LSAMP: variants seen among roughly 807,000 people sequenced by gnomAD.
LSAMP encodes limbic system-associated membrane protein.
Under a neutral mutation model 38.6 loss-of-function variants are expected in LSAMP, and 7 were observed. The observed-to-expected ratio is 0.18, with a 90% CI of 0.10 to 0.34. The LOEUF (loss-of-function observed/expected upper bound fraction) is 0.34, where lower values mean the gene tolerates loss of function less well. Ranked by LOEUF, LSAMP falls within the 10% of genes least tolerant of loss-of-function variation. LSAMP has a pLI of 1.00. For missense variants in LSAMP, 313 were observed against 420.0 expected (o/e 0.75, Z 2.23); for synonymous variants, 154 against 166.8 (o/e 0.92, Z 0.59).
chr3:116,208,002 A>G (rs1326113941), intron 1 of LSAMP, among the ~76,000 whole-genome samples: 3 of 148,768 alleles, frequency 2.0e-5, no homozygotes, highest in South Asian at 2.2e-4. Flanking sequence ...GTGTTTTCCA[A>G]CTTGGTTCCA....
At chr3:115,901,178 G>T (rs1261418913) in intron 3 of LSAMP, among the ~76,000 whole-genome samples, 1 of 151,944 alleles carries the variant, frequency 6.6e-6, no homozygotes, top group Non-Finnish European at 1.5e-5. Flanking sequence ...AATCATTTGG[G>T]GTCTGAGAGT....
chr3:116,241,270 T>C (rs1036739380), intron 1 of LSAMP, among the ~76,000 whole-genome samples: 1 of 151,394 alleles, frequency 6.6e-6, no homozygotes, highest in African/African-American at 2.4e-5. Context: ...TCTGTTAATA[T>C]ATTCTTTATG....
chr3:115,944,624 C>A (rs1416050872), intron 3 of LSAMP, among the ~76,000 whole-genome samples: 1 of 152,100 alleles, frequency 6.6e-6, no homozygotes, highest in African/African-American at 2.4e-5. Flanking sequence ...TTTACTGTGG[C>A]AAATATTTTA....
intron 3 of LSAMP, among the ~76,000 whole-genome samples, chr3:115,900,760 T>C (rs1936854905): frequency 6.6e-6 from 1 of 152,102 alleles, no homozygotes; most frequent in African/African-American, 2.4e-5. Context: ...GAAAGAACAA[T>C]GGTTAAATGG....
At chr3:115,898,379 GC>G (rs1936782103) in intron 3 of LSAMP, among the ~76,000 whole-genome samples, 2 of 152,024 alleles carry the variant, frequency 1.3e-5, no homozygotes, top group Admixed American at 1.3e-4. Flanking sequence ...GTTCATCAGG[GC>G]AAGCCATAAG....
chr3:116,111,806 A>T (rs887370302), intron 1 of LSAMP, among the ~76,000 whole-genome samples: 6 of 152,158 alleles, frequency 3.9e-5, no homozygotes, highest in Admixed American at 3.9e-4. Context: ...AATGAAAGAG[A>T]TATATTAGCT....
intron 3 of LSAMP, among the ~76,000 whole-genome samples, chr3:115,933,575 C>T (rs1290880447): frequency 6.6e-6 from 1 of 152,096 alleles, no homozygotes; most frequent in Non-Finnish European, 1.5e-5. Context: ...AATAACATGG[C>T]CAGCAGGCAG....
At chr3:116,264,348 C>T (rs2046867937) in intron 1 of LSAMP, among the ~76,000 whole-genome samples, 2 of 152,128 alleles carry the variant, frequency 1.3e-5, no homozygotes, top group African/African-American at 4.8e-5. Flanking sequence ...GCTTGACTGC[C>T]AAACTTAGGC....
At position 116,211,560 on chromosome 3, in the gene LSAMP, G is replaced by A. The variant is rs1274012512; in HGVS notation, c.156-125004C>T. 3.9e-5 allele frequency among the ~76,000 whole-genome samples: 6 copies of A among 152,112 alleles called. No individual in the cohort carries two copies. In the East Asian group the frequency reaches 1.2e-3, roughly 29 times the overall value. On this transcript the variant is annotated intron_variant, in intron 1 of 6. Coordinates refer to ENST00000490035, the MANE Select transcript of LSAMP (RefSeq NM_002338.5). ...TGTACTCTGTAAATACAGAAATATG[G>A]GAAAGGCAAGGGATTTTAGGGGGTC...
At chr3:116,119,510 T>C (rs78508909) in intron 1 of LSAMP, among the ~76,000 whole-genome samples, 3,257 of 151,976 alleles carry the variant, frequency 0.021, 117 homozygotes, top group African/African-American at 0.075. Context: ...ATAAAACAAA[T>C]ACTGGGGTTA....
At chr3:116,213,973 C>T (rs1363143663) in intron 1 of LSAMP, among the ~76,000 whole-genome samples, 1 of 152,182 alleles carries the variant, frequency 6.6e-6, no homozygotes, top group Non-Finnish European at 1.5e-5. Flanking sequence ...CAGCTCTAGA[C>T]ATCTGCTGTA....
intron 1 of LSAMP, among the ~76,000 whole-genome samples, chr3:116,430,009 G>A (rs1250521082): frequency 2.6e-5 from 4 of 152,058 alleles, no homozygotes; most frequent in Non-Finnish European, 5.9e-5. Context: ...ATATCAACAC[G>A]TGTGGCAAAG....
chr3:116,262,336 G>T (rs2046835881), intron 1 of LSAMP, among the ~76,000 whole-genome samples: 1 of 152,110 alleles, frequency 6.6e-6, no homozygotes, highest in Non-Finnish European at 1.5e-5. Flanking sequence ...ATAGATCCTA[G>T]ACTGTGATGT....
At chr3:116,206,809 G>C (rs1367316602) in intron 1 of LSAMP, among the ~76,000 whole-genome samples, 1 of 151,294 alleles carries the variant, frequency 6.6e-6, no homozygotes, top group East Asian at 1.9e-4. Flanking sequence ...TTGCTGAGGA[G>C]AGCTTTACTT....
intron 1 of LSAMP, among the ~76,000 whole-genome samples, chr3:116,319,129 C>G (rs1488330665): frequency 6.6e-6 from 1 of 152,146 alleles, no homozygotes; most frequent in Non-Finnish European, 1.5e-5. Flanking sequence ...AACCATTTCT[C>G]TTTAAACAGT....
chr3:116,066,052 C>T (rs188010866), intron 2 of LSAMP, among the ~76,000 whole-genome samples: 6 of 152,254 alleles, frequency 3.9e-5, no homozygotes, highest in African/African-American at 1.4e-4. Context: ...GTGACTTATA[C>T]AACAGAAACT....
chr3:116,265,331 G>A (rs1292739756), intron 1 of LSAMP, among the ~76,000 whole-genome samples: 1 of 152,178 alleles, frequency 6.6e-6, no homozygotes, highest in African/African-American at 2.4e-5. Flanking sequence ...GTTTGTGAGA[G>A]ACTGGATTAC....
In LSAMP at chr3:115,810,404, C is replaced by T. The variant is rs563540596; in HGVS notation, c.930G>A (p.Ser310=). 262 of 1,612,470 alleles carry T rather than the reference C, an allele frequency of 1.6e-4. 5 individuals carry two copies. The South Asian group carries it at 2.7e-3, about 17-fold the overall frequency. Residue 310 remains serine (S), a synonymous_variant, in exon 7 of 7, where the codon TCG becomes TCA. Transcript: ENST00000490035. The stretch of plus-strand genomic sequence containing the variant: ...TGATGGATCCATTTATTCCTCTCAC[C>T]GACCCAGGTCCTGCAGAGCAAAAGA... ...NASLVLFRPG[S]VRGINGSISL... is the part of the protein sequence containing the mutation.
intron 3 of LSAMP, among the ~76,000 whole-genome samples, chr3:115,925,636 C>T (rs1937481723): frequency 6.6e-6 from 1 of 152,054 alleles, no homozygotes; most frequent in Non-Finnish European, 1.5e-5. Context: ...TGGAGTGTAA[C>T]TAATATGAAC....
Sources: allele counts gnomAD v4.1 joint callset (sites outside exome capture counted in the v4.1 genomes callset), GRCh38; gene constraint gnomAD v4.1.1; transcripts MANE v1.5; gene names NCBI Gene and HGNC (gene_info 2026-07-23, HGNC 2026-07-21).